PHACTR3: variants seen among roughly 807,000 people sequenced by gnomAD.
PHACTR3 encodes protein phosphatase 1, regulatory subunit 123.
Under a neutral mutation model 66.8 loss-of-function variants are expected in PHACTR3, and 16 were observed. The ratio of observed to expected loss-of-function variants is 0.24; its 90% CI spans 0.16 to 0.36. The LOEUF is 0.36. Ranked by LOEUF, PHACTR3 falls within the 10% of genes least tolerant of loss-of-function variation. The pLI is 1.00. For missense variants in PHACTR3, 647 were observed against 719.9 expected, an observed-to-expected ratio of 0.90 and a Z score of 1.16; for synonymous variants, 323 against 292.1, an observed-to-expected ratio of 1.11 and a Z score of -1.08.
chr20:59,689,654 A>G (rs540967419), intron 1 of PHACTR3, among the ~76,000 whole-genome samples: 2 of 152,326 alleles, frequency 1.3e-5, no homozygotes, highest in African/African-American at 4.8e-5. Context: ...ATTCCATTTC[A>G]TAAAGGAAAC....
chr20:59,765,084 C>T (rs1179991861), intron 4 of PHACTR3, among the ~76,000 whole-genome samples: 1 of 152,176 alleles, frequency 6.6e-6, no homozygotes, highest in South Asian at 2.1e-4. Flanking sequence ...CTGTGCTTAC[C>T]TGTGGCTTAA....
chr20:59,677,485 T>A (rs2036490042), intron 1 of PHACTR3, among the ~76,000 whole-genome samples: 1 of 152,172 alleles, frequency 6.6e-6, no homozygotes, highest in Admixed American at 6.5e-5. Context: ...AAGAAGGCGA[T>A]GGAGAAGTGA....
chr20:59,812,077 G>A (rs1377624771), intron 8 of PHACTR3, among the ~76,000 whole-genome samples: 3 of 152,256 alleles, frequency 2.0e-5, no homozygotes, highest in Non-Finnish European at 4.4e-5. Flanking sequence ...GAATGCTGCT[G>A]CATGAACAGC....
At chr20:59,719,788 G>C (rs911129718) in intron 1 of PHACTR3, among the ~76,000 whole-genome samples, 7 of 152,182 alleles carry the variant, frequency 4.6e-5, no homozygotes, top group Admixed American at 4.6e-4. Context: ...TGGTGTGACT[G>C]ATGTTAACAT....
intron 7 of PHACTR3, among the ~76,000 whole-genome samples, chr20:59,782,892 G>A (rs541637442): frequency 6.6e-6 from 1 of 152,310 alleles, no homozygotes; most frequent in South Asian, 2.1e-4. Context: ...CATGGAGAAC[G>A]TTACACGGAG....
chr20:59,668,585 C>G (rs2036078913), intron 1 of PHACTR3, among the ~76,000 whole-genome samples: 1 of 152,200 alleles, frequency 6.6e-6, no homozygotes, highest in Admixed American at 6.5e-5. Flanking sequence ...TCTATGGGAC[C>G]CTTTGTCCAT....
chr20:59,749,325 TA>T (rs2039491883), intron 3 of PHACTR3, among the ~76,000 whole-genome samples: 1 of 152,300 alleles, frequency 6.6e-6, no homozygotes, highest in African/African-American at 2.4e-5. Flanking sequence ...TTTTGTTGAG[TA>T]AAGAGTAAGT....
intron 7 of PHACTR3, among the ~76,000 whole-genome samples, chr20:59,779,967 T>A (rs192454055): frequency 7.2e-5 from 11 of 152,340 alleles, no homozygotes; most frequent in African/African-American, 2.6e-4. Flanking sequence ...AAGAAAAAGA[T>A]GTTTGTGTTT....
intron 5 of PHACTR3, among the ~76,000 whole-genome samples, chr20:59,770,594 G>A (rs1401322204): frequency 1.3e-5 from 2 of 152,138 alleles, no homozygotes; most frequent in Non-Finnish European, 2.9e-5. Context: ...CGGCAGATTT[G>A]GTGTCTCTGA....
At chr20:59,772,593 G>A (rs945069867) in intron 5 of PHACTR3, among the ~76,000 whole-genome samples, 1 of 152,076 alleles carries the variant, frequency 6.6e-6, no homozygotes, top group Admixed American at 6.5e-5. Context: ...TGGACGGAGT[G>A]TGGTGCCTTC....
At chr20:59,845,065 G>GT (rs199808725) in intron 11 of PHACTR3, 124 bp from the exon 12 acceptor site, 8 of 591,552 alleles carry the variant, frequency 1.4e-5, no homozygotes, top group South Asian at 7.6e-5. Context: ...AAAATTGTTT[G>GT]TTTTTTTCTG....
chr20:59,731,824 C>T (rs1419369503), intron 1 of PHACTR3, among the ~76,000 whole-genome samples: 1 of 152,126 alleles, frequency 6.6e-6, no homozygotes, highest in Non-Finnish European at 1.5e-5. Context: ...TTTTGAGGCC[C>T]AACTTCTGCC....
intron 4 of PHACTR3, among the ~76,000 whole-genome samples, chr20:59,764,988 G>A (rs958273891): frequency 2.6e-5 from 4 of 152,128 alleles, no homozygotes; most frequent in African/African-American, 9.7e-5. Flanking sequence ...CAAGAATGAG[G>A]GTGTCCACTT....
chr20:59,700,347 T>G (rs565951371), intron 1 of PHACTR3, among the ~76,000 whole-genome samples: 27 of 152,372 alleles, frequency 1.8e-4, no homozygotes, highest in African/African-American at 6.5e-4. Flanking sequence ...CTTTTAACCA[T>G]GTATGCATCT....
At chr20:59,677,000 C>T (rs73303127) in intron 1 of PHACTR3, among the ~76,000 whole-genome samples, 2,785 of 151,736 alleles carry the variant, frequency 0.018, 69 homozygotes, top group Middle Eastern at 0.068. Context: ...GGAGTCAGAC[C>T]AGGATCAGCC....
intron 1 of PHACTR3, among the ~76,000 whole-genome samples, chr20:59,598,653 T>A (rs999787198): frequency 6.6e-6 from 1 of 152,216 alleles, no homozygotes; most frequent in African/African-American, 2.4e-5. Context: ...AAGCCTTGGT[T>A]GGCATTGCAT....
At chr20:59,748,266 A>G (rs2039445937) in intron 3 of PHACTR3, among the ~76,000 whole-genome samples, 1 of 152,178 alleles carries the variant, frequency 6.6e-6, no homozygotes, top group African/African-American at 2.4e-5. Flanking sequence ...GGAAGCATTC[A>G]GGACATGCTG....
chr20:59,655,501 C>T (rs1331159887), intron 1 of PHACTR3, among the ~76,000 whole-genome samples: 2 of 151,764 alleles, frequency 1.3e-5, no homozygotes, highest in African/African-American at 2.4e-5. Context: ...AGTGTTGGCC[C>T]CTTTTACACT....
At chr20:59,636,107 A>G (rs1439617988) in intron 1 of PHACTR3, among the ~76,000 whole-genome samples, 2 of 152,158 alleles carry the variant, frequency 1.3e-5, no homozygotes, top group East Asian at 1.9e-4. Context: ...TTGCTTGTCT[A>G]TATTTTCATC....
Sources: gnomAD v4.1 joint callset for allele counts (sites outside exome capture counted in the v4.1 genomes callset) on GRCh38, gnomAD v4.1.1 for gene constraint, MANE v1.5 for transcripts, NCBI Gene and HGNC (gene_info 2026-07-23, HGNC 2026-07-21) for gene names.